OPCML: variants seen among roughly 807,000 people sequenced by gnomAD.
OPCML encodes the protein opioid-binding protein/cell adhesion molecule.
A neutral mutation model predicts 37.8 loss-of-function variants in OPCML; 13 were observed. That is an observed-to-expected ratio of 0.34 (90% CI 0.22 to 0.55). The LOEUF (loss-of-function observed/expected upper bound fraction) is 0.55. Among genes scored for constraint, OPCML ranks in the 20% least tolerant of loss-of-function variants. OPCML has a pLI of 0.91. For synonymous variants in OPCML, 176 were observed against 168.8 expected (o/e 1.04, Z -0.33); for missense variants, 341 against 435.6 (o/e 0.78, Z 1.93).
At chr11:132,830,050 C>T (rs965626409) in intron 2 of OPCML, among the ~76,000 whole-genome samples, 5 of 152,122 alleles carry the variant, frequency 3.3e-5, no homozygotes, top group Non-Finnish European at 5.9e-5. Context: ...TGTATGGCAC[C>T]GCTGGTTTGC....
At chr11:133,254,762 G>C (rs1260818165) in intron 1 of OPCML, among the ~76,000 whole-genome samples, 3 of 152,222 alleles carry the variant, frequency 2.0e-5, no homozygotes, top group Non-Finnish European at 4.4e-5. Context: ...AGAGAGTCAA[G>C]TTTGCAGGGG....
intron 2 of OPCML, among the ~76,000 whole-genome samples, chr11:132,830,046 G>T (rs2136275561): frequency 6.6e-6 from 1 of 152,198 alleles, no homozygotes; most frequent in African/African-American, 2.4e-5. Context: ...AGCGTGTATG[G>T]CACCGCTGGT....
intron 1 of OPCML, among the ~76,000 whole-genome samples, chr11:133,081,656 T>C (rs1209484324): frequency 1.3e-5 from 2 of 152,188 alleles, no homozygotes; most frequent in African/African-American, 2.4e-5. Context: ...ACTCCTGCTC[T>C]AGGGGGATCC....
At chr11:133,222,608 G>A (rs997186392) in intron 1 of OPCML, among the ~76,000 whole-genome samples, 1 of 152,326 alleles carries the variant, frequency 6.6e-6, no homozygotes, top group South Asian at 2.1e-4. Context: ...CCAGCAGGTT[G>A]TGGGAAGTGG....
At chr11:133,501,620 G>A (rs1458230036) in intron 1 of OPCML, among the ~76,000 whole-genome samples, 2 of 152,016 alleles carry the variant, frequency 1.3e-5, no homozygotes, top group African/African-American at 4.8e-5. Flanking sequence ...GCTTGATAAG[G>A]AACTACTTGG....
intron 7 of OPCML, among the ~76,000 whole-genome samples, chr11:132,432,537 C>A (rs981792971): frequency 6.6e-6 from 1 of 152,216 alleles, no homozygotes; most frequent in Non-Finnish European, 1.5e-5. Context: ...CAGCGAGCAG[C>A]ATAGGGTGAG....
At chr11:133,138,437 A>G (rs898590840) in intron 1 of OPCML, among the ~76,000 whole-genome samples, 3 of 152,200 alleles carry the variant, frequency 2.0e-5, no homozygotes, top group African/African-American at 7.2e-5. Flanking sequence ...GTAGAAACCT[A>G]TTGCCCTCCT....
chr11:133,431,052 T>C (rs1946105686), intron 1 of OPCML, among the ~76,000 whole-genome samples: 1 of 152,202 alleles, frequency 6.6e-6, no homozygotes, highest in African/African-American at 2.4e-5. Flanking sequence ...AAAGCATTTA[T>C]CAAGTACCAC....
chr11:133,398,153 C>T (rs571482975), intron 1 of OPCML, among the ~76,000 whole-genome samples: 1 of 152,186 alleles, frequency 6.6e-6, no homozygotes, highest in Non-Finnish European at 1.5e-5. Context: ...CAAACATAGA[C>T]ATCTCATGAA....
At chr11:132,747,992 C>A (rs921362127) in intron 2 of OPCML, among the ~76,000 whole-genome samples, 1 of 151,748 alleles carries the variant, frequency 6.6e-6, no homozygotes, top group East Asian at 1.9e-4. Context: ...TACACCAAAT[C>A]CTGATCTTAC....
chr11:133,043,353 C>T (rs1947944922), intron 1 of OPCML, among the ~76,000 whole-genome samples: 1 of 152,178 alleles, frequency 6.6e-6, no homozygotes, highest in Admixed American at 6.5e-5. Context: ...CTTAAGGAGC[C>T]ATTCTTCTCA....
At chr11:132,977,293 G>A (rs1229768260) in intron 1 of OPCML, among the ~76,000 whole-genome samples, 1 of 152,144 alleles carries the variant, frequency 6.6e-6, no homozygotes, top group Non-Finnish European at 1.5e-5. Context: ...ATTCACAGCT[G>A]CTTTGTTCCC....
intron 4 of OPCML, among the ~76,000 whole-genome samples, chr11:132,478,742 T>C (rs111284074): frequency 0.016 from 2,500 of 152,258 alleles, 76 homozygotes; most frequent in African/African-American, 0.057. Flanking sequence ...TTGTGGTCAT[T>C]CTTTGGCTTC....
At chr11:132,618,184 A>C (rs1280142318) in intron 3 of OPCML, among the ~76,000 whole-genome samples, 6 of 152,230 alleles carry the variant, frequency 3.9e-5, no homozygotes, top group Non-Finnish European at 8.8e-5. Flanking sequence ...AGACAGAATG[A>C]ACACAACGGT....
At chr11:133,319,258 G>C (rs1943274701) in intron 1 of OPCML, among the ~76,000 whole-genome samples, 1 of 152,174 alleles carries the variant, frequency 6.6e-6, no homozygotes, top group Admixed American at 6.5e-5. Context: ...AAGCAGCCCA[G>C]TCAAGTTGTG....
chr11:133,526,220 T>C (rs1948487778), intron 1 of OPCML, among the ~76,000 whole-genome samples: 1 of 152,110 alleles, frequency 6.6e-6, no homozygotes, highest in South Asian at 2.1e-4. Context: ...CACTCACACA[T>C]GTATGGCCGT....
At chr11:133,181,251 C>T (rs549849353) in intron 1 of OPCML, among the ~76,000 whole-genome samples, 26 of 151,660 alleles carry the variant, frequency 1.7e-4, no homozygotes, top group African/African-American at 6.1e-4. Context: ...TAAATACACA[C>T]ACAGCGGTGC....
At chr11:132,459,489 A>AAT (rs1183081735) in intron 4 of OPCML, among the ~76,000 whole-genome samples, 3 of 148,064 alleles carry the variant, frequency 2.0e-5, no homozygotes, top group Non-Finnish European at 4.5e-5. Flanking sequence ...TATATAGGAT[A>AAT]ATATATATCT....
At chr11:132,826,137 G>A (rs989718524) in intron 2 of OPCML, among the ~76,000 whole-genome samples, 1 of 152,178 alleles carries the variant, frequency 6.6e-6, no homozygotes, top group African/African-American at 2.4e-5. Flanking sequence ...GTTCCACACA[G>A]ATAATTATGT....
Sources: gnomAD v4.1 joint callset for allele counts (sites outside exome capture counted in the v4.1 genomes callset) on GRCh38, gnomAD v4.1.1 for gene constraint, MANE v1.5 for transcripts, NCBI Gene and HGNC (gene_info 2026-07-23, HGNC 2026-07-21) for gene names.